MYH3: variants seen among roughly 807,000 people sequenced by gnomAD.
MYH3 encodes myosin-3.
Under a neutral mutation model 238.0 loss-of-function variants are expected in MYH3, and 130 were observed. The ratio of observed to expected loss-of-function variants is 0.55; its 90% CI spans 0.47 to 0.63. MYH3 has a LOEUF of 0.63. Ranked by LOEUF, MYH3 falls within the 30% of genes least tolerant of loss-of-function variation. The probability of loss-of-function intolerance (pLI) is 0.00; values close to 1 mark genes in which losing one functional copy is unlikely to be tolerated. For missense variants in MYH3, 1,853 were observed against 2,374.9 expected (o/e 0.78, Z 4.57); for synonymous variants, 880 against 924.1 (o/e 0.95, Z 0.86).
chr17:10,641,296 G>C lies in MYH3; in HGVS notation c.2036C>G (p.Thr679Ser). Residue 679 changes from threonine to serine, a missense_variant, in exon 18 of 41, where the codon ACC becomes AGC. By Grantham distance (58) the Thr-to-Ser change is moderately conservative (BLOSUM62 1). Coordinates refer to ENST00000583535, the MANE Select transcript of MYH3 (RefSeq NM_002470.4). ...HFVRCIIPNE[T>S]KTPGAMEHSL... The stretch of plus-strand genomic sequence containing the variant: ...AGCAGGTGTCTCACCTGGAGTTTTG[G>C]TTTCATTGGGAATTATACAACGCAC... The C allele has an allele frequency of 6.2e-7, 1 of 1,612,732 alleles. No homozygotes were observed. Among genetic ancestry groups the C allele is most frequent in the Non-Finnish European group, 8.5e-7 (1 of 1,178,862 alleles).
chr17:10,675,161 C>A, the MYH3 span: 7 of 152,246 alleles, frequency 4.6e-5, no homozygotes, highest in Non-Finnish European at 7.3e-5. Flanking sequence ...GCCCCTTCAA[C>A]TGAGGGTGAG....
chr17:10,663,466 C>T, the MYH3 span, among the ~76,000 whole-genome samples: 1 of 152,044 alleles, frequency 6.6e-6, no homozygotes, highest in Non-Finnish European at 1.5e-5. Context: ...GTCAAGGGTG[C>T]AAGAAGGCAT....
At position 10,629,609 on chromosome 17, in the gene MYH3, G is replaced by T; in HGVS notation, c.5784C>A (p.Phe1928Leu). 6.2e-7 allele frequency: 1 copy of T among 1,613,434 alleles called. No homozygotes were observed. The highest frequency in any genetic ancestry group is 1.3e-5 in the African/African-American group (1 of 75,028). ...CTCAGCGACTCACCCTGCTGGAGGT[G>T]AAGTCTCGAGTCTTAGCGCGGAGCT... ...VNKLRAKTRD[F>L]TSSRMVVHES... Residue 1928 changes from phenylalanine to leucine, a missense_variant, in exon 40 of 41, where the codon TTC (phenylalanine) becomes TTA (leucine). Phe to Leu is a conservative substitution (Grantham distance 22). This residue lies in a region of MYH3 where 1,044 missense variants were observed against 1,192.6 expected (regional missense o/e 0.88). Transcript: ENST00000583535.
Position 10,654,993 on chromosome 17 carries a change from C to G in MYH3, c.72G>C (p.Arg24Ser). 1 of 1,614,208 alleles carries G rather than the reference C, an allele frequency of 6.2e-7. No individual in the cohort carries two copies. Among genetic ancestry groups the G allele is most frequent in the Non-Finnish European group, 8.5e-7 (1 of 1,180,022 alleles). ...APFLRKSEKE[R>S]IEAQNQPFDA... ...CAAAGGGCTGGTTCTGAGCCTCGAT[C>G]CTCTCCTTTTCTGACTTCCGGAGGA... The change falls in exon 3 of 41, where the codon AGG becomes AGC. Residue 24 changes from arginine (R) to serine (S), a missense_variant. Arg to Ser is a moderately radical substitution (Grantham distance 110, BLOSUM62 -1). This residue lies in a region of MYH3 where 131 missense variants were observed against 123.5 expected (regional missense o/e 1.06). Transcript: ENST00000583535. The surrounding 1 kb of genome is among the most constrained non-coding windows in gnomAD (Gnocchi z 4.5).
chr17:10,646,502 G>A (rs151014342), intron 10 of MYH3, among the ~76,000 whole-genome samples: 1 of 152,256 alleles, frequency 6.6e-6, no homozygotes, highest in Admixed American at 6.5e-5. Flanking sequence ...CCTCTGTGAG[G>A]GGCAGACAAG....
At chr17:10,669,833 C>A in the MYH3 span, among the ~76,000 whole-genome samples, 1 of 152,228 alleles carries the variant, frequency 6.6e-6, no homozygotes, top group Admixed American at 6.5e-5. Context: ...ATTGCTTGAG[C>A]CTGGGAATTT....
chr17:10,657,818 TTAA>T (rs200368228), upstream of MYH3, among the ~76,000 whole-genome samples: 3 of 151,958 alleles, frequency 2.0e-5, no homozygotes, highest in Non-Finnish European at 2.9e-5. Flanking sequence ...CCAGGAATAA[TTAA>T]TAATAATAAT....
chr17:10,652,668 C>A, intron 3 of MYH3, 105 bp from the exon 4 acceptor site: 1 of 1,285,552 alleles, frequency 7.8e-7, no homozygotes, highest in East Asian at 2.5e-5. Context: ...GTCGCCCAGG[C>A]TGGAGTGCAG....
intron 28 of MYH3, among the ~76,000 whole-genome samples, chr17:10,637,116 A>G (rs1353988773): frequency 6.6e-6 from 1 of 150,982 alleles, no homozygotes; most frequent in African/African-American, 2.4e-5. Context: ...CTGGAGTGCA[A>G]TGGCATAATC....
rs745991039 is a variant in MYH3 at position 10,642,196 on chromosome 17, T to A, written c.1959+44A>T. On this transcript the variant is annotated intron_variant, in intron 17 of 40. Coordinates refer to ENST00000583535, the MANE Select transcript of MYH3 (RefSeq NM_002470.4). The surrounding 1 kb of genome is among the most constrained non-coding windows in gnomAD (Gnocchi z 5.4). ...AATCTCAGCATTGCTCATTTAGATG[T>A]CACTTAAATCAATTATAAGCAAATA... The A allele has an allele frequency of 6.5e-7, 1 of 1,536,738 alleles. No individual in the cohort carries two copies. Among genetic ancestry groups the A allele is most frequent in the South Asian group, 1.1e-5 (1 of 87,912 alleles).
In MYH3 at chr17:10,640,408, T is replaced by C. The variant is rs963781133; in HGVS notation, c.2351A>G (p.Lys784Arg). 1 of 1,614,230 alleles carries C rather than the reference T, an allele frequency of 6.2e-7. No individual in the cohort carries two copies. The highest frequency in any genetic ancestry group is 1.7e-5 in the Admixed American group (1 of 60,030). The part of the protein sequence containing the change: ...LEEMRDDRLA[K>R]LITRTQAVCR... ...CACAGCTTGTGTCCGGGTGATTAGT[T>C]TGGCCAGGCGGTCATCCCGCATCTC... The change falls in exon 21 of 41, where the codon AAA becomes AGA. Residue 784 changes from lysine (K) to arginine (R), a missense_variant. Around this residue, in one of 3 missense-constraint regions of MYH3, gnomAD observed 678 missense variants for 1,058.9 expected, o/e 0.64. Coordinates refer to ENST00000583535, the MANE Select transcript of MYH3 (RefSeq NM_002470.4).
chr17:10,644,673 G>A lies in MYH3; in HGVS notation c.1171C>T (p.Leu391=). The A allele has an allele frequency of 6.2e-7, 1 of 1,613,968 alleles. No individual in the cohort carries two copies. ...GCTTTTAGGAGGTCCGAAGAGTTCA[G>A]GCCCATCAGATAGGCTGTTTTGTCA... The part of the protein sequence containing the change: ...VADKTAYLMG[L]NSSDLLKALC... Residue 391 remains leucine, a synonymous_variant, in exon 13 of 41, where the codon CTG becomes TTG. Coordinates refer to ENST00000583535, the MANE Select transcript of MYH3 (RefSeq NM_002470.4).
At chr17:10,632,924 C>T in intron 33 of MYH3, 140 bp from the exon 34 acceptor site, 1 of 1,007,792 alleles carries the variant, frequency 9.9e-7, no homozygotes, top group Non-Finnish European at 1.5e-6. Context: ...TAAATGTCCC[C>T]AAATTGGCCG....
rs190188728 is a variant in MYH3, at chr17:10,632,012, G to A, written c.4961C>T (p.Thr1654Met). Reference sequence around the variant, plus strand: ...GAGGGCATCATCCAGGTGGAGCTGCGTATCCTAGCCAGAGAAAAACGAACA... The same window carrying A: ...GAGGGCATCATCCAGGTGGAGCTGCATATCCTAGCCAGAGAAAAACGAACA... Reference protein sequence around the residue: ...LRSVQGQLKDTQLHLDDALRG... With the variant: ...LRSVQGQLKDMQLHLDDALRG... Residue 1654 changes from threonine (T) to methionine (M), a missense_variant, in exon 35 of 41, where the codon ACG becomes ATG. Physicochemically the swap from Thr to Met is moderately conservative, Grantham distance 81 (BLOSUM62 -1). Transcript: ENST00000583535. The A allele has an allele frequency of 6.2e-6, 10 of 1,613,284 alleles. No individual in the cohort carries two copies. The highest frequency in any genetic ancestry group is 4.5e-5 in the East Asian group (2 of 44,878).
rs1024480518 is a variant in MYH3, at chr17:10,639,605, C to T, written c.2880G>A (p.Leu960=). 3.1e-6 allele frequency: 5 copies of T among 1,614,050 alleles called. No individual in the cohort carries two copies. The African/African-American group carries it at 5.3e-5, about 17-fold the overall frequency. The change falls in exon 23 of 41, where the codon TTG becomes TTA. Residue 960 remains leucine, a synonymous_variant. Transcript: ENST00000583535. ...ELKKDIDDLE[L]TLAKVEKEKH... is the part of the protein sequence containing the mutation. ...TCTCCTTCTCAACCTTGGCCAGGGT[C>T]AACTCAAGGTCATCAATGTCTTTCT...
Position 10,648,582 on chromosome 17 carries a change from A to C in MYH3, c.710T>G (p.Val237Gly). ...AAAACGGGAGGAGTTGTCATTCCTC[A>C]CAGTCTTGGCGTTCCCAAAGGCCTC... ...LLEAFGNAKT[V>G]RNDNSSRFGK... is the part of the protein sequence containing the mutation. Residue 237 changes from valine (V) to glycine (G), a missense_variant, in exon 8 of 41, where the codon GTG becomes GGG. This residue lies in a region of MYH3 where 678 missense variants were observed against 1,058.9 expected (regional missense o/e 0.64). Transcript: ENST00000583535. 6.2e-7 allele frequency: 1 copy of C among 1,614,082 alleles called. No homozygotes were observed. The highest frequency in any genetic ancestry group is 1.1e-5 in the South Asian group (1 of 91,086).
rs2074410109 is a variant in MYH3, at chr17:10,654,588, G to A, written c.204+273C>T. 6.6e-6 allele frequency among the ~76,000 whole-genome samples: 1 copy of A among 152,240 alleles called. No homozygotes were observed. The highest frequency in any genetic ancestry group is 1.5e-5 in the Non-Finnish European group (1 of 68,046). ...ACACCCTTGGGACACGTGGAGCTGG[G>A]CCCCTCTGGCCTACAGTGAACGTGG... On this transcript the variant is annotated intron_variant, in intron 3 of 40. Transcript: ENST00000583535. The surrounding 1 kb of genome is among the most constrained non-coding windows in gnomAD (Gnocchi z 4.5).
intron 28 of MYH3, among the ~76,000 whole-genome samples, chr17:10,637,412 C>G (rs986105535): frequency 6.6e-6 from 1 of 152,258 alleles, no homozygotes; most frequent in Admixed American, 6.5e-5. Flanking sequence ...CCATGTTTCT[C>G]TCTTTAGTCT....
intron 4 of MYH3, 111 bp from the exon 5 acceptor site, chr17:10,651,779 C>G (rs2074378551): frequency 2.9e-6 from 4 of 1,381,200 alleles, no homozygotes; most frequent in Non-Finnish European, 3.9e-6. Flanking sequence ...GAGTCTCACT[C>G]TGTCACCAGG....
Sources: gnomAD v4.1 joint callset for allele counts (sites outside exome capture counted in the v4.1 genomes callset) on GRCh38, gnomAD v4.1.1 for gene constraint, gnomAD v4.1.1 regional missense constraint, Gnocchi (gnomAD v3.1) non-coding constraint, MANE v1.5 for transcripts, NCBI Gene and HGNC (gene_info 2026-07-23, HGNC 2026-07-21) for gene names.